Variants in CNTN4 observed in about 807,000 individuals in gnomAD.
CNTN4 encodes contactin-4.
CNTN4 carries 77 observed loss-of-function variants against 122.5 expected under a neutral mutation model. The ratio of observed to expected loss-of-function variants is 0.63; its 90% CI spans 0.52 to 0.76. The LOEUF (loss-of-function observed/expected upper bound fraction) is 0.76. CNTN4 is among the 30% of genes least tolerant of loss of function. The pLI is 0.00. For synonymous variants in CNTN4, 512 were observed against 447.0 expected (o/e 1.15, Z -1.83); for missense variants, 1,256 against 1,259.1 (o/e 1.00, Z 0.04).
chr3:2,606,261 T>G (rs1386736035), intron 4 of CNTN4, among the ~76,000 whole-genome samples: 1 of 152,104 alleles, frequency 6.6e-6, no homozygotes, highest in Non-Finnish European at 1.5e-5. Context: ...ATTGTAAGGT[T>G]TCAAACGGAG....
chr3:2,866,565 A>G, intron 7 of CNTN4, 187 bp from the exon 8 acceptor site: 2 of 1,226,870 alleles, frequency 1.6e-6, no homozygotes, highest in Non-Finnish European at 2.2e-6. Flanking sequence ...AACCTTATTG[A>G]CTGATAGTAG....
intron 6 of CNTN4, among the ~76,000 whole-genome samples, chr3:2,757,379 C>T (rs145534279): frequency 1.1e-4 from 17 of 152,264 alleles, no homozygotes; most frequent in Middle Eastern, 3.4e-3. Context: ...CCCTGAGTCC[C>T]GCTCTCTGGA....
At chr3:2,809,132 C>T (rs1285643564) in intron 6 of CNTN4, among the ~76,000 whole-genome samples, 1 of 152,184 alleles carries the variant, frequency 6.6e-6, no homozygotes, top group Non-Finnish European at 1.5e-5. Context: ...AGAAAGTACA[C>T]AAATGAGAAC....
At chr3:2,323,657 T>C (rs1243887568) in intron 2 of CNTN4, among the ~76,000 whole-genome samples, 1 of 152,204 alleles carries the variant, frequency 6.6e-6, no homozygotes, top group African/African-American at 2.4e-5. Flanking sequence ...CTTTCTTTTT[T>C]CCTGGCAGAA....
At chr3:2,425,725 T>G (rs1047922496) in intron 3 of CNTN4, among the ~76,000 whole-genome samples, 1 of 152,232 alleles carries the variant, frequency 6.6e-6, no homozygotes, top group African/African-American at 2.4e-5. Context: ...CTTCCATTTC[T>G]GTCCTCTTTT....
At chr3:2,310,536 C>T (rs1277852737) in intron 2 of CNTN4, among the ~76,000 whole-genome samples, 2 of 152,134 alleles carry the variant, frequency 1.3e-5, no homozygotes, top group Non-Finnish European at 2.9e-5. Context: ...TTTTTCACCT[C>T]AGCACATGCT....
intron 2 of CNTN4, among the ~76,000 whole-genome samples, chr3:2,155,015 G>C (rs1417785584): frequency 6.6e-6 from 1 of 152,166 alleles, no homozygotes; most frequent in Non-Finnish European, 1.5e-5. Context: ...ATCTCCTTCA[G>C]ATACCTTTTC....
intron 3 of CNTN4, among the ~76,000 whole-genome samples, chr3:2,340,708 T>TAGAGAG (rs1414538595): frequency 1.4e-3 from 35 of 25,366 alleles, no homozygotes; most frequent in African/African-American, 2.8e-3. Flanking sequence ...TATATATATA[T>TAGAGAG]ATAGAGAGAG....
chr3:2,870,486 C>G (rs1225177152), intron 8 of CNTN4, among the ~76,000 whole-genome samples: 2 of 152,132 alleles, frequency 1.3e-5, no homozygotes, highest in East Asian at 1.9e-4. Flanking sequence ...AAATACAAAT[C>G]AAGAAGAGAT....
chr3:2,314,361 T>C (rs1051023566), intron 2 of CNTN4, among the ~76,000 whole-genome samples: 2 of 151,966 alleles, frequency 1.3e-5, no homozygotes, highest in African/African-American at 4.8e-5. Context: ...AAAAATTTTT[T>C]AATGAAATGT....
At chr3:2,876,674 T>G (rs929106134) in intron 8 of CNTN4, among the ~76,000 whole-genome samples, 1 of 152,224 alleles carries the variant, frequency 6.6e-6, no homozygotes, top group African/African-American at 2.4e-5. Flanking sequence ...CTCTTTCATA[T>G]TCTCTAAATT....
chr3:2,940,249 A>T (rs2094601651), intron 13 of CNTN4, among the ~76,000 whole-genome samples: 1 of 152,242 alleles, frequency 6.6e-6, no homozygotes, highest in Non-Finnish European at 1.5e-5. Context: ...GAGAACCACG[A>T]AATAGGGCTG....
intron 2 of CNTN4, among the ~76,000 whole-genome samples, chr3:2,278,664 A>T (rs916924100): frequency 4.6e-5 from 7 of 152,224 alleles, no homozygotes; most frequent in Non-Finnish European, 1.0e-4. Flanking sequence ...AAGAGAAAAG[A>T]TGTTAAATAG....
At chr3:2,537,022 G>A (rs774293806) in intron 3 of CNTN4, among the ~76,000 whole-genome samples, 5 of 152,084 alleles carry the variant, frequency 3.3e-5, no homozygotes, top group Admixed American at 2.0e-4. Flanking sequence ...TAATATATGA[G>A]TAGTATGGAA....
chr3:2,913,242 G>T (rs1198983397), intron 12 of CNTN4, among the ~76,000 whole-genome samples: 1 of 151,990 alleles, frequency 6.6e-6, no homozygotes, highest in Non-Finnish European at 1.5e-5. Flanking sequence ...GAGGAGAAAG[G>T]GTAAACACAA....
chr3:2,847,913 T>C (rs2093481429), intron 7 of CNTN4, among the ~76,000 whole-genome samples: 1 of 152,110 alleles, frequency 6.6e-6, no homozygotes, highest in African/African-American at 2.4e-5. Flanking sequence ...GTTGAAGTGA[T>C]TTGCCCAAGA....
At chr3:2,813,654 A>C (rs1487654695) in intron 6 of CNTN4, among the ~76,000 whole-genome samples, 2 of 152,172 alleles carry the variant, frequency 1.3e-5, no homozygotes, top group East Asian at 3.8e-4. Flanking sequence ...CTAGTCCATT[A>C]ATTATGACCT....
chr3:2,895,850 G>C (rs187042641), intron 10 of CNTN4, among the ~76,000 whole-genome samples: 1,882 of 151,908 alleles, frequency 0.012, 22 homozygotes, highest in South Asian at 0.036. Context: ...CTGGCTAACA[G>C]GGTGAAACCC....
intron 4 of CNTN4, among the ~76,000 whole-genome samples, chr3:2,693,388 T>C (rs1435341065): frequency 1.3e-5 from 2 of 152,206 alleles, no homozygotes; most frequent in Non-Finnish European, 2.9e-5. Context: ...GTTGATTTTA[T>C]AAGGTTTTCT....
Sources: allele counts gnomAD v4.1 joint callset (sites outside exome capture counted in the v4.1 genomes callset), GRCh38; gene constraint gnomAD v4.1.1; transcripts MANE v1.5; gene names NCBI Gene and HGNC (gene_info 2026-07-23, HGNC 2026-07-21).